ZZEF1: variants seen among roughly 807,000 people sequenced by gnomAD.
ZZEF1 encodes the protein zinc finger ZZ-type and EF-hand domain containing 1.
Under a neutral mutation model 342.8 loss-of-function variants are expected in ZZEF1, and 157 were observed. That is an observed-to-expected ratio of 0.46 (90% CI 0.40 to 0.52). ZZEF1 has a LOEUF of 0.52. Among genes scored for constraint, ZZEF1 ranks in the 20% least tolerant of loss-of-function variants. The pLI, the probability that ZZEF1 is intolerant of heterozygous loss-of-function variation, is 0.00. For missense variants in ZZEF1, 3,480 were observed against 3,725.6 expected, an observed-to-expected ratio of 0.93 and a Z score of 1.72; for synonymous variants, 1,505 against 1,429.1, an observed-to-expected ratio of 1.05 and a Z score of -1.20.
At chr17:4,036,487 C>A (rs984228421) in intron 39 of ZZEF1, among the ~76,000 whole-genome samples, 8 of 152,102 alleles carry the variant, frequency 5.3e-5, no homozygotes, top group Admixed American at 4.6e-4. Context: ...GTAATCCCAG[C>A]ACTTTGGGAG....
At position 4,013,532 on chromosome 17, in the gene ZZEF1, C is replaced by A; in HGVS notation, c.8496G>T (p.Val2832=). The A allele has an allele frequency of 6.2e-7, 1 of 1,614,162 alleles. No individual in the cohort carries two copies. The highest frequency in any genetic ancestry group is 1.7e-5 in the Admixed American group (1 of 60,020). Residue 2832 remains valine, a synonymous_variant, in exon 52 of 55, where the codon GTG becomes GTT. Coordinates refer to ENST00000381638, the MANE Select transcript of ZZEF1 (RefSeq NM_015113.4). ...LPLAKIWEWL[V]GVACRQTGHQ... ...GGCCAGTCTGGCGACAGGCCACGCC[C>A]ACCAGCCATTCCCAAATTTTTGCCA... is the stretch of plus-strand genomic sequence containing the variant.
intron 39 of ZZEF1, among the ~76,000 whole-genome samples, chr17:4,036,817 A>ACACACCCT (rs754105162): frequency 1.4e-5 from 1 of 72,618 alleles, no homozygotes; most frequent in Non-Finnish European, 2.5e-5. Flanking sequence ...ACACACACAC[A>ACACACCCT]CTCTCTCTCT....
intron 39 of ZZEF1, among the ~76,000 whole-genome samples, chr17:4,041,379 G>A (rs989617436): frequency 4.0e-5 from 6 of 151,860 alleles, no homozygotes; most frequent in African/African-American, 1.5e-4. Context: ...AGAAGTTCAC[G>A]TAAAAATGCT....
intron 14 of ZZEF1, 87 bp from the exon 15 acceptor site, chr17:4,086,742 C>G (rs947494525): frequency 1.2e-5 from 17 of 1,363,160 alleles, no homozygotes; most frequent in Admixed American, 2.0e-5. Flanking sequence ...AAGGACTTTC[C>G]TCTAGGCATC....
chr17:4,142,692 G>A lies in ZZEF1; in HGVS notation c.204C>T (p.Pro68=), dbSNP rs111724159. 9.7e-3 allele frequency: 15,532 copies of A among 1,604,584 alleles called. 98 individuals are homozygous for A. The highest frequency in any genetic ancestry group is 0.019 in the East Asian group (840 of 44,754). Reference sequence around the variant, plus strand: ...GATGCCTCGACACCAGCGACTCGCAGGGGGGTGTGGGCAGCAACGCTGCAG... The same window carrying A: ...GATGCCTCGACACCAGCGACTCGCAAGGGGGTGTGGGCAGCAACGCTGCAG... The part of the protein sequence containing the change: ...EAAAALLPTP[P]CESLVSRHRG... The change falls in exon 1 of 55, where the codon CCC becomes CCT. Residue 68 remains proline (P), a synonymous_variant. Transcript: ENST00000381638.
At chr17:4,025,191 A>G (rs1463075610) in intron 42 of ZZEF1, 73 bp from the exon 43 acceptor site, 2 of 1,396,014 alleles carry the variant, frequency 1.4e-6, no homozygotes, top group Admixed American at 1.8e-5. Context: ...TATTTCTTCT[A>G]TAGTAACATG....
chr17:4,116,282 A>G (rs945209962), intron 3 of ZZEF1, among the ~76,000 whole-genome samples: 3 of 152,234 alleles, frequency 2.0e-5, no homozygotes, highest in Non-Finnish European at 4.4e-5. Flanking sequence ...ATTGCACTTC[A>G]GCCTGGGCAA....
intron 39 of ZZEF1, among the ~76,000 whole-genome samples, chr17:4,041,367 G>A (rs1186903678): frequency 1.3e-5 from 2 of 152,012 alleles, no homozygotes; most frequent in African/African-American, 4.8e-5. Context: ...CAACTCCCAC[G>A]TAGAAGTTCA....
chr17:4,141,949 A>T (rs1381781746), intron 1 of ZZEF1, among the ~76,000 whole-genome samples: 1 of 152,232 alleles, frequency 6.6e-6, no homozygotes, highest in African/African-American at 2.4e-5. Flanking sequence ...TATTCACAGG[A>T]AACCTGGTAT....
chr17:4,117,463 T>C (rs2058414316), intron 2 of ZZEF1, among the ~76,000 whole-genome samples: 1 of 151,978 alleles, frequency 6.6e-6, no homozygotes, highest in Non-Finnish European at 1.5e-5. Context: ...CTGGCCAACA[T>C]GGTGAAACCC....
chr17:4,131,487 G>GAA (rs35157151), intron 1 of ZZEF1, among the ~76,000 whole-genome samples: 18 of 150,538 alleles, frequency 1.2e-4, no homozygotes, highest in Admixed American at 6.0e-4. Flanking sequence ...AGATGTATAA[G>GAA]AAAAAAAAAG....
At chr17:4,137,520 G>C (rs953751289) in intron 1 of ZZEF1, among the ~76,000 whole-genome samples, 1 of 152,202 alleles carries the variant, frequency 6.6e-6, no homozygotes, top group African/African-American at 2.4e-5. Flanking sequence ...GCTGAGGCAG[G>C]AGAATGGTGT....
rs528166123 is a variant in ZZEF1, at chr17:4,024,858, T to A, written c.7092+61A>T. ...TCAGATGGCATTTCCTCCTAGTTAA[T>A]CCCCATGCAGATGTCAAATTATAGC... On this transcript the variant is annotated intron_variant, in intron 43 of 54. Coordinates refer to ENST00000381638, the MANE Select transcript of ZZEF1 (RefSeq NM_015113.4). 6.7e-6 allele frequency: 10 copies of A among 1,492,070 alleles called. No individual in the cohort carries two copies. The African/African-American group carries it at 1.2e-4, about 18-fold the overall frequency. The allele number at this position is 1,492,070 out of a possible 1,614,324, so 92.4% of individuals were successfully genotyped here. A position where few individuals can be genotyped will look rare whatever the true frequency, so the allele number is the denominator to read the frequency against.
In ZZEF1 at chr17:4,013,701, G is replaced by A. The variant is rs969585070; in HGVS notation, c.8414-87C>T. On this transcript the variant is annotated intron_variant, in intron 51 of 54. Transcript: ENST00000381638. The stretch of plus-strand genomic sequence containing the variant: ...TAAATAAAGTATAACAATTGTGTAC[G>A]TTAAGAATTCTACATTTTATAAACT... The A allele has an allele frequency of 3.2e-5, 43 of 1,352,398 alleles. No homozygotes were observed. The South Asian group carries it at 4.8e-4, about 15-fold the overall frequency. The allele number at this position is 1,352,398 out of a possible 1,614,324, so 83.8% of individuals were successfully genotyped here.
In ZZEF1 at chr17:4,114,465, G is replaced by A. The variant is rs762583083; in HGVS notation, c.700C>T (p.Pro234Ser). The stretch of plus-strand genomic sequence containing the variant: ...TCTGGACTTCTAGTTAGATCTCCAG[G>A]GCTTTCTGTAGGGGAAACCAGAGTT... ...DQLVQKEKES[P>S]GDLTRSPEMD... The change falls in exon 4 of 55, where the codon CCT becomes TCT. Residue 234 changes from proline to serine, a missense_variant. Coordinates refer to ENST00000381638, the MANE Select transcript of ZZEF1 (RefSeq NM_015113.4). The A allele has an allele frequency of 2.6e-6, 4 of 1,535,054 alleles. No individual in the cohort carries two copies. In the South Asian group the frequency reaches 5.1e-5, roughly 20 times the overall value.
In ZZEF1 at chr17:4,074,235, C is replaced by T; in HGVS notation, c.3600G>A (p.Val1200=). 4 of 1,614,192 alleles carry T rather than the reference C, an allele frequency of 2.5e-6. No individual in the cohort carries two copies. The highest frequency in any genetic ancestry group is 1.6e-4 in the Middle Eastern group (1 of 6,062). The change falls in exon 24 of 55, where the codon GTG becomes GTA. Residue 1200 remains valine, a synonymous_variant. Coordinates refer to ENST00000381638, the MANE Select transcript of ZZEF1 (RefSeq NM_015113.4). Reference sequence around the variant, plus strand: ...GGAGCTGTAAATCCAGCCCCCAAGACACGGCAACATCGGGCAGCCCACAGG... The same window carrying T: ...GGAGCTGTAAATCCAGCCCCCAAGATACGGCAACATCGGGCAGCCCACAGG... ...VTACGLPDVA[V]SWGLDLQLLV... is the part of the protein sequence containing the mutation.
intron 34 of ZZEF1, among the ~76,000 whole-genome samples, chr17:4,053,008 C>A (rs1165329229): frequency 1.3e-5 from 2 of 152,144 alleles, no homozygotes; most frequent in Non-Finnish European, 2.9e-5. Context: ...TGTCATGGAC[C>A]CTAAAGAATG....
intron 46 of ZZEF1, 49 bp from the exon 47 acceptor site, chr17:4,018,020 G>T (rs752323026): frequency 1.2e-6 from 2 of 1,600,530 alleles, no homozygotes; most frequent in South Asian, 2.2e-5. Context: ...AGACAGGCCA[G>T]TTTTAACCTG....
At chr17:4,137,386 G>A (rs2085044) in intron 1 of ZZEF1, among the ~76,000 whole-genome samples, 102,415 of 151,914 alleles carry the variant, frequency 0.67, 36,315 homozygotes, top group Non-Finnish European at 0.78. Flanking sequence ...CGAGGTGGGC[G>A]GATCACAAGG....
Sources: gnomAD v4.1 joint callset for allele counts (sites outside exome capture counted in the v4.1 genomes callset) on GRCh38, gnomAD v4.1.1 for gene constraint, MANE v1.5 for transcripts, NCBI Gene and HGNC (gene_info 2026-07-23, HGNC 2026-07-21) for gene names.